Variants in EYS observed in about 807,000 individuals in gnomAD.
EYS encodes the protein EGF-like photoreceptor maintenance factor, also known as protein eyes shut homolog.
EYS carries 250 observed loss-of-function variants against 282.1 expected under a neutral mutation model. The ratio of observed to expected loss-of-function variants is 0.89; its 90% confidence interval spans 0.80 to 0.98. The LOEUF (loss-of-function observed/expected upper bound fraction) is 0.98. Ranked by LOEUF, EYS falls within the 50% of genes least tolerant of loss-of-function variation. The probability of loss-of-function intolerance (pLI) is 0.00; values close to 1 mark genes in which losing one functional copy is unlikely to be tolerated. For synonymous variants in EYS, 1,355 were observed against 1,282.9 expected, an observed-to-expected ratio of 1.06 and a Z score of -1.20; for missense variants, 4,016 against 3,709.0, an observed-to-expected ratio of 1.08 and a Z score of -2.15.
At chr6:65,350,496 A>T (rs958652663) in intron 9 of EYS, among the ~76,000 whole-genome samples, 18 of 151,690 alleles carry the variant, frequency 1.2e-4, no homozygotes, top group African/African-American at 4.3e-4. Context: ...TCACTAGTAC[A>T]TGTTAAGTGT....
intron 12 of EYS, among the ~76,000 whole-genome samples, chr6:65,163,646 A>T (rs1764903192): frequency 6.6e-6 from 1 of 151,296 alleles, no homozygotes; most frequent in South Asian, 2.1e-4. Context: ...AGGATAAAGC[A>T]TATGGGCCAA....
rs78241965 is a variant in EYS at position 64,454,620 on chromosome 6, T to C, written c.5645-15268A>G. ...CAAAATGCCAACCAAAAATACAACA[T>C]GTATACTTGTGGTATAATAAATCTA... On this transcript the variant is annotated intron_variant, in intron 26 of 42. Coordinates refer to ENST00000503581, the MANE Select transcript of EYS (RefSeq NM_001142800.2). Among the ~76,000 whole-genome samples the C allele has an allele frequency of 3.2e-3, 489 of 152,190 alleles. 2 individuals are homozygous for C. The highest frequency in any genetic ancestry group is 0.011 in the African/African-American group (460 of 41,510).
intron 5 of EYS, among the ~76,000 whole-genome samples, chr6:65,424,186 A>G (rs1389521290): frequency 1.3e-5 from 2 of 152,032 alleles, no homozygotes; most frequent in Non-Finnish European, 2.9e-5. Context: ...GGTAGGGTGC[A>G]CTGTCCTTCT....
intron 29 of EYS, among the ~76,000 whole-genome samples, chr6:64,374,211 T>A (rs909234542): frequency 1.7e-4 from 1 of 5,726 alleles, no homozygotes; most frequent in Non-Finnish European, 3.5e-4. Flanking sequence ...GTGTGGGGGG[T>A]GGGGGATGAG....
chr6:64,557,601 A>G (rs1374441230), intron 26 of EYS, among the ~76,000 whole-genome samples: 1 of 152,040 alleles, frequency 6.6e-6, no homozygotes, highest in South Asian at 2.1e-4. Flanking sequence ...AGAGCAAATT[A>G]TAATCACCTT....
At chr6:65,404,089 G>A (rs569305691) in intron 6 of EYS, among the ~76,000 whole-genome samples, 1 of 152,080 alleles carries the variant, frequency 6.6e-6, no homozygotes, top group Admixed American at 6.6e-5. Context: ...CCTTCTGTAG[G>A]CTCTACAGGA....
chr6:63,928,999 A>G (rs1167000155), intron 35 of EYS, among the ~76,000 whole-genome samples: 3 of 152,204 alleles, frequency 2.0e-5, no homozygotes, highest in African/African-American at 7.2e-5. Context: ...AGCATCAGTA[A>G]TAATTTGAGG....
chr6:64,635,351 A>G (rs1364953712), intron 22 of EYS, among the ~76,000 whole-genome samples: 1 of 152,178 alleles, frequency 6.6e-6, no homozygotes, highest in Non-Finnish European at 1.5e-5. Flanking sequence ...CAGAACTTCC[A>G]ACACTATGTT....
At chr6:64,759,313 T>C (rs1431769887) in intron 22 of EYS, among the ~76,000 whole-genome samples, 5 of 152,202 alleles carry the variant, frequency 3.3e-5, no homozygotes, top group Admixed American at 1.3e-4. Flanking sequence ...TTTAGTGACA[T>C]GATACACTAC....
intron 14 of EYS, among the ~76,000 whole-genome samples, chr6:64,977,787 G>C (rs1770519691): frequency 6.6e-6 from 1 of 151,794 alleles, no homozygotes; most frequent in African/African-American, 2.4e-5. Context: ...TAGTAATCTG[G>C]ATAGAAGATC....
intron 2 of EYS, among the ~76,000 whole-genome samples, chr6:65,628,318 C>T (rs1766790902): frequency 6.6e-6 from 1 of 151,930 alleles, no homozygotes. Context: ...ATGTGAAGAA[C>T]CTTTGTATCT....
At chr6:64,652,338 A>C (rs927140250) in intron 22 of EYS, among the ~76,000 whole-genome samples, 2 of 152,230 alleles carry the variant, frequency 1.3e-5, no homozygotes, top group African/African-American at 2.4e-5. Flanking sequence ...CAGAAAGGGC[A>C]GAAAGATTCA....
chr6:64,564,805 G>A (rs1216502241), intron 26 of EYS, among the ~76,000 whole-genome samples: 1 of 151,884 alleles, frequency 6.6e-6, no homozygotes, highest in African/African-American at 2.4e-5. Context: ...GGGGGTCGGG[G>A]GCTAGGGGAG....
intron 15 of EYS, among the ~76,000 whole-genome samples, chr6:64,924,428 G>T (rs1768447281): frequency 6.6e-6 from 1 of 152,088 alleles, no homozygotes; most frequent in Admixed American, 6.5e-5. Context: ...CTCTGGCATG[G>T]CCTGCAGACA....
intron 22 of EYS, among the ~76,000 whole-genome samples, chr6:64,715,566 G>T (rs373312021): frequency 6.6e-6 from 1 of 152,186 alleles, no homozygotes; most frequent in Non-Finnish European, 1.5e-5. Flanking sequence ...CAAATGGGCT[G>T]CAGATCCATT....
chr6:64,135,028 G>C (rs1774113714), intron 31 of EYS, among the ~76,000 whole-genome samples: 1 of 152,056 alleles, frequency 6.6e-6, no homozygotes, highest in South Asian at 2.1e-4. Flanking sequence ...GCGTATCCAG[G>C]AGTAGCCTTT....
At chr6:65,125,606 G>A (rs1256434409) in intron 12 of EYS, among the ~76,000 whole-genome samples, 2 of 151,954 alleles carry the variant, frequency 1.3e-5, no homozygotes, top group Admixed American at 6.6e-5. Context: ...TAAAGAATCC[G>A]ACCAAAATTT....
At chr6:64,469,297 G>A (rs1776031688) in intron 26 of EYS, among the ~76,000 whole-genome samples, 1 of 152,048 alleles carries the variant, frequency 6.6e-6, no homozygotes, top group South Asian at 2.1e-4. Flanking sequence ...AGCCACCCAG[G>A]TGCCGAGGCA....
intron 14 of EYS, among the ~76,000 whole-genome samples, chr6:64,950,798 C>CATATATATATATATATATAT (rs1171736217): frequency 9.2e-5 from 5 of 54,234 alleles, no homozygotes; most frequent in Admixed American, 2.6e-4. Flanking sequence ...TATACATATA[C>CATATATATATATATATATAT]ATATATATAT....
Sources: allele counts gnomAD v4.1 joint callset (sites outside exome capture counted in the v4.1 genomes callset), GRCh38; gene constraint gnomAD v4.1.1; transcripts MANE v1.5; gene names NCBI Gene and HGNC (gene_info 2026-07-23, HGNC 2026-07-21).